The following SOX5 variants were observed in gnomAD, a reference collection of about 807,000 sequenced individuals.
SOX5 encodes transcription factor SOX-5.
In SOX5, 9 loss-of-function variants were observed where a neutral mutation model predicts 92.0. The observed-to-expected ratio is 0.10, with a 90% CI of 0.06 to 0.17. The LOEUF (loss-of-function observed/expected upper bound fraction) is 0.17, where lower values mean the gene tolerates loss of function less well. Ranked by LOEUF, SOX5 falls within the 10% of genes least tolerant of loss-of-function variation. The probability of loss-of-function intolerance (pLI) is 1.00; values close to 1 mark genes in which losing one functional copy is unlikely to be tolerated. For synonymous variants in SOX5, 344 were observed against 336.3 expected (o/e 1.02, Z -0.25); for missense variants, 642 against 944.5 (o/e 0.68, Z 4.20).
intron 3 of SOX5, chr12:24,213,434 A>AG (rs1958868784): frequency 6.6e-6 from 1 of 150,508 alleles, no homozygotes; most frequent in Admixed American, 6.6e-5. Flanking sequence ...AAAAAAAAAA[A>AG]AAAAAGAAAA....
intron 2 of SOX5, among the ~76,000 whole-genome samples, chr12:24,331,911 T>C (rs1160354933): frequency 6.4e-4 from 60 of 93,890 alleles, no homozygotes; most frequent in Non-Finnish European, 1.4e-4. Context: ...TGAAAAAAGG[T>C]GAAATTAAGT....
At chr12:24,310,916 C>T (rs972876301) in intron 2 of SOX5, among the ~76,000 whole-genome samples, 9 of 151,788 alleles carry the variant, frequency 5.9e-5, no homozygotes, top group African/African-American at 1.9e-4. Flanking sequence ...TCTGAGACTA[C>T]AGACTCCATT....
intron 1 of SOX5, among the ~76,000 whole-genome samples, chr12:24,431,925 A>C (rs1938415706): frequency 1.3e-5 from 2 of 152,172 alleles, no homozygotes. Context: ...CTGAGAAAGG[A>C]AACAGAAGAA....
chr12:23,567,601 T>G (rs891749283), intron 10 of SOX5, among the ~76,000 whole-genome samples: 1 of 151,590 alleles, frequency 6.6e-6, no homozygotes, highest in Non-Finnish European at 1.5e-5. Flanking sequence ...GCTGGGACTA[T>G]GGGCACTACT....
intron 2 of SOX5, among the ~76,000 whole-genome samples, chr12:24,316,000 C>T (rs1186056222): frequency 6.6e-6 from 1 of 152,224 alleles, no homozygotes; most frequent in African/African-American, 2.4e-5. Context: ...TCACTTGGGG[C>T]CACTGGTGAT....
chr12:24,497,056 G>C (rs1345036667), intron 1 of SOX5, among the ~76,000 whole-genome samples: 1 of 152,182 alleles, frequency 6.6e-6, no homozygotes, highest in Non-Finnish European at 1.5e-5. Context: ...GACACTGAAT[G>C]ATGAGGCTGC....
At chr12:23,742,156 C>T (rs563936215) in intron 4 of SOX5, among the ~76,000 whole-genome samples, 4 of 152,220 alleles carry the variant, frequency 2.6e-5, no homozygotes, top group Admixed American at 6.5e-5. Flanking sequence ...CCTTCTTAAC[C>T]CCAGTGCATT....
At chr12:24,269,258 G>A (rs1388076448) in intron 3 of SOX5, among the ~76,000 whole-genome samples, 4 of 152,184 alleles carry the variant, frequency 2.6e-5, no homozygotes, top group African/African-American at 7.2e-5. Flanking sequence ...ACCAAAAGGC[G>A]TGTACAAATG....
intron 13 of SOX5, among the ~76,000 whole-genome samples, chr12:23,539,098 C>A (rs1015502444): frequency 3.9e-5 from 6 of 152,022 alleles, no homozygotes; most frequent in Non-Finnish European, 8.8e-5. Flanking sequence ...AGCCACCACT[C>A]CTGGCCAAGC....
intron 4 of SOX5, among the ~76,000 whole-genome samples, chr12:24,094,510 C>A (rs1214027365): frequency 7.4e-6 from 1 of 135,512 alleles, no homozygotes; most frequent in East Asian, 2.2e-4. Flanking sequence ...TAGAAAATAT[C>A]ATTTACAAAA....
intron 7 of SOX5, among the ~76,000 whole-genome samples, chr12:23,663,847 TA>T (rs1430262711): frequency 2.0e-5 from 3 of 152,014 alleles, no homozygotes; most frequent in Admixed American, 1.3e-4. Context: ...ATTTAATTAT[TA>T]AAAAAAGTTG....
chr12:23,994,709 G>GAAAATAATAAAATAAAATA, intron 4 of SOX5, among the ~76,000 whole-genome samples: 1 of 152,018 alleles, frequency 6.6e-6, no homozygotes, highest in African/African-American at 2.4e-5. Context: ...TCTAAATTAA[G>GAAAATAATAAAATAAAATA]AAAATAATAA....
chr12:24,328,038 C>T (rs526246), intron 2 of SOX5, among the ~76,000 whole-genome samples: 131,285 of 152,140 alleles, frequency 0.86, 57,150 homozygotes, highest in East Asian at 0.98. Context: ...AACTCGGATC[C>T]TCTAACCAAA....
At chr12:23,751,405 T>G (rs1331598786) in intron 4 of SOX5, among the ~76,000 whole-genome samples, 1 of 151,960 alleles carries the variant, frequency 6.6e-6, no homozygotes, top group African/African-American at 2.4e-5. Flanking sequence ...CATATTGAAA[T>G]GCTGAATATT....
chr12:23,598,834 T>G (rs545037310), intron 9 of SOX5, among the ~76,000 whole-genome samples: 1 of 152,308 alleles, frequency 6.6e-6, no homozygotes, highest in South Asian at 2.1e-4. Context: ...TTTTCCCCAC[T>G]TGGCATTATA....
rs1946272876 is a variant in SOX5, at chr12:23,561,886, GC to G, written c.1488+1371del. On this transcript the variant is annotated intron_variant, in intron 11 of 14. Transcript: ENST00000451604. ...TGCTGTATCCACAGCTGAATTCAAT[GC>G]GCTTAACAAATAACGGCAATTTAGC... 2.6e-5 allele frequency among the ~76,000 whole-genome samples: 4 copies of G among 151,460 alleles called. No individual in the cohort carries two copies. In the South Asian group the frequency reaches 8.4e-4, roughly 32 times the overall value.
At chr12:24,375,777 G>A (rs1957204189) in intron 1 of SOX5, among the ~76,000 whole-genome samples, 1 of 149,746 alleles carries the variant, frequency 6.7e-6, no homozygotes, top group Admixed American at 6.7e-5. Flanking sequence ...TATGGAAACA[G>A]CTCTATTTTT....
chr12:24,263,741 T>G (rs958625512), intron 3 of SOX5, among the ~76,000 whole-genome samples: 2 of 152,166 alleles, frequency 1.3e-5, no homozygotes, highest in Non-Finnish European at 2.9e-5. Flanking sequence ...TATATGTAAC[T>G]AAGATAAATT....
chr12:23,855,099 A>T (rs2096672530), intron 2 of SOX5, among the ~76,000 whole-genome samples: 1 of 152,024 alleles, frequency 6.6e-6, no homozygotes, highest in African/African-American at 2.4e-5. Context: ...CAAAGAAAAA[A>T]CATATTAGGA....
Sources: allele counts gnomAD v4.1 joint callset (sites outside exome capture counted in the v4.1 genomes callset), GRCh38; gene constraint gnomAD v4.1.1; transcripts MANE v1.5; gene names NCBI Gene and HGNC (gene_info 2026-07-23, HGNC 2026-07-21).